EPS15: variants seen among roughly 807,000 people sequenced by gnomAD.
EPS15 encodes the protein epidermal growth factor receptor pathway substrate 15.
Under a neutral mutation model 113.8 loss-of-function variants are expected in EPS15, and 72 were observed. That is an observed-to-expected ratio of 0.63 (90% confidence interval 0.52 to 0.77). The LOEUF (loss-of-function observed/expected upper bound fraction) is 0.77. Among genes scored for constraint, EPS15 ranks in the 30% least tolerant of loss-of-function variants. The pLI is 0.00. For missense variants in EPS15, 1,048 were observed against 1,045.8 expected, an observed-to-expected ratio of 1.00 and a Z score of -0.03; for synonymous variants, 344 against 363.4, an observed-to-expected ratio of 0.95 and a Z score of 0.61.
At chr1:51,372,925 C>A in intron 21 of EPS15, 1 of 728,100 alleles carries the variant, frequency 1.4e-6, no homozygotes, top group Non-Finnish European at 2.0e-6. Context: ...TGCCAATCAA[C>A]CACCAGATCA....
intron 1 of EPS15, among the ~76,000 whole-genome samples, chr1:51,509,684 C>T (rs557830659): frequency 6.6e-6 from 1 of 152,314 alleles, no homozygotes; most frequent in East Asian, 1.9e-4. Flanking sequence ...CTTAGATTTT[C>T]ATGAGCAATA....
At chr1:51,402,332 C>T in intron 18 of EPS15, 103 bp downstream of exon 18, 1 of 561,896 alleles carries the variant, frequency 1.8e-6, no homozygotes, top group Non-Finnish European at 3.1e-6. Context: ...GGGCGACAGA[C>T]TGAGTTGGTA....
Position 51,474,611 on chromosome 1 carries a change from T to C in EPS15, c.76-1663A>G, listed in dbSNP as rs534069784. Among the ~76,000 whole-genome samples, 16 of 152,324 alleles carry C rather than the reference T, an allele frequency of 1.1e-4. No homozygotes were observed. In the South Asian group the frequency reaches 3.3e-3, roughly 32 times the overall value. On this transcript the variant is annotated intron_variant, in intron 2 of 24. Coordinates refer to ENST00000371733, the MANE Select transcript of EPS15 (RefSeq NM_001981.3). Reference sequence around the variant, plus strand: ...TTCTATTTTCTAATAGCTATGTGCATAAGCCCTTTCTGAGACCCTCAACTT... The same window carrying C: ...TTCTATTTTCTAATAGCTATGTGCACAAGCCCTTTCTGAGACCCTCAACTT...
At chr1:51,498,492 A>G (rs147580231) in intron 1 of EPS15, among the ~76,000 whole-genome samples, 2 of 152,338 alleles carry the variant, frequency 1.3e-5, no homozygotes, top group African/African-American at 4.8e-5. Context: ...ATTATAAAAC[A>G]TGCTTTGTAT....
chr1:51,494,110 G>C (rs1322128717), intron 1 of EPS15, among the ~76,000 whole-genome samples: 2 of 152,054 alleles, frequency 1.3e-5, no homozygotes, highest in South Asian at 2.1e-4. Flanking sequence ...TTACTTCCTT[G>C]ATCTCTTTAA....
intron 8 of EPS15, among the ~76,000 whole-genome samples, chr1:51,448,912 T>C (rs1205587591): frequency 6.6e-6 from 1 of 152,190 alleles, no homozygotes; most frequent in African/African-American, 2.4e-5. Flanking sequence ...GGATAACAGT[T>C]CCTGCCCAAA....
At chr1:51,417,527 TAGGA>T (rs1650356604) in intron 13 of EPS15, among the ~76,000 whole-genome samples, 1 of 152,106 alleles carries the variant, frequency 6.6e-6, no homozygotes, top group African/African-American at 2.4e-5. Context: ...TCACAATATA[TAGGA>T]AGGAAGATAT....
intron 21 of EPS15, among the ~76,000 whole-genome samples, chr1:51,374,141 G>A (rs895195932): frequency 6.6e-5 from 10 of 152,302 alleles, no homozygotes; most frequent in African/African-American, 2.2e-4. Flanking sequence ...AGTCAAAGAT[G>A]CTCTAGGGAG....
At position 51,354,305 on chromosome 1, in the gene EPS15, C is replaced by T. The variant is rs1646169776; in HGVS notation, c.*2395G>A. The T allele has an allele frequency of 5.6e-6, 1 of 178,314 alleles. No individual in the cohort carries two copies. The highest frequency in any genetic ancestry group is 1.2e-5 in the Non-Finnish European group (1 of 83,094). The allele number at this position is 178,314 out of a possible 1,614,324, so 11.0% of individuals were successfully genotyped here. A position where few individuals can be genotyped will look rare whatever the true frequency, so the allele number is the denominator to read the frequency against. ...TATTTATTCTATACCAGGTGCTGTC[C>T]CAAACCCTTTACATATATTAATCTG... is the stretch of plus-strand genomic sequence containing the variant. On this transcript the variant is annotated 3_prime_UTR_variant, in exon 25 of 25. Coordinates refer to ENST00000371733, the MANE Select transcript of EPS15 (RefSeq NM_001981.3).
intron 21 of EPS15, among the ~76,000 whole-genome samples, chr1:51,390,564 C>T (rs1223162610): frequency 6.6e-6 from 1 of 151,722 alleles, no homozygotes; most frequent in Non-Finnish European, 1.5e-5. Context: ...GCAACCTACT[C>T]ATCTGACAAA....
chr1:51,465,824 T>C (rs557081079), intron 5 of EPS15, among the ~76,000 whole-genome samples: 38 of 151,974 alleles, frequency 2.5e-4, no homozygotes, highest in African/African-American at 9.2e-4. Flanking sequence ...GTGCAGAAAT[T>C]CTCTAAACTT....
At chr1:51,504,460 A>G (rs1313972095) in intron 1 of EPS15, among the ~76,000 whole-genome samples, 2 of 152,174 alleles carry the variant, frequency 1.3e-5, no homozygotes, top group African/African-American at 4.8e-5. Flanking sequence ...ACTTCAAAGA[A>G]CACCATCAAG....
At chr1:51,373,737 G>A (rs1280002600) in intron 21 of EPS15, among the ~76,000 whole-genome samples, 3 of 152,142 alleles carry the variant, frequency 2.0e-5, no homozygotes, top group African/African-American at 7.2e-5. Context: ...AATGGCTTGA[G>A]GTCAGGAGTT....
intron 21 of EPS15, chr1:51,372,445 A>T: frequency 3.7e-6 from 2 of 534,166 alleles, no homozygotes; most frequent in Non-Finnish European, 3.8e-6. Flanking sequence ...TTTGATGAAG[A>T]TGACAAAAAT....
chr1:51,407,479 T>C (rs1649239495), intron 15 of EPS15, among the ~76,000 whole-genome samples: 1 of 152,226 alleles, frequency 6.6e-6, no homozygotes, highest in South Asian at 2.1e-4. Flanking sequence ...ATTACAGGCA[T>C]GGGCCACCAC....
chr1:51,508,302 GAA>G (rs558046344), intron 1 of EPS15, among the ~76,000 whole-genome samples: 1,938 of 129,550 alleles, frequency 0.015, 20 homozygotes, highest in Middle Eastern at 0.022. Context: ...GAGAGAGAGA[GAA>G]AGAGAGAAAG....
At chr1:51,510,849 T>A (rs561101688) in intron 1 of EPS15, among the ~76,000 whole-genome samples, 1 of 152,202 alleles carries the variant, frequency 6.6e-6, no homozygotes, top group African/African-American at 2.4e-5. Flanking sequence ...GTATATCTTG[T>A]ATGTCCTAAT....
intron 12 of EPS15, among the ~76,000 whole-genome samples, chr1:51,426,087 T>C (rs6680306): frequency 0.053 from 8,023 of 152,002 alleles, 683 homozygotes; most frequent in African/African-American, 0.18. Flanking sequence ...AATAGGTTAC[T>C]AAATACTAAA....
intron 1 of EPS15, among the ~76,000 whole-genome samples, chr1:51,503,109 A>G (rs960145282): frequency 2.0e-5 from 3 of 152,160 alleles, no homozygotes; most frequent in African/African-American, 7.2e-5. Flanking sequence ...ACTATACTCT[A>G]AAAACTACAA....
Sources: gnomAD v4.1 joint callset for allele counts (sites outside exome capture counted in the v4.1 genomes callset) on GRCh38, gnomAD v4.1.1 for gene constraint, MANE v1.5 for transcripts, NCBI Gene and HGNC (gene_info 2026-07-23, HGNC 2026-07-21) for gene names.